Variants in CTNNA2 observed in about 807,000 individuals in gnomAD.
CTNNA2 encodes the protein catenin alpha-2.
A neutral mutation model predicts 101.0 loss-of-function variants in CTNNA2; 42 were observed. The observed-to-expected ratio is 0.42, with a 90% CI of 0.32 to 0.54. CTNNA2 has a LOEUF of 0.54. Among genes scored for constraint, CTNNA2 ranks in the 20% least tolerant of loss-of-function variants. The pLI, the probability that CTNNA2 is intolerant of heterozygous loss-of-function variation, is 0.14. For synonymous variants in CTNNA2, 450 were observed against 456.4 expected, an observed-to-expected ratio of 0.99 and a Z score of 0.18; for missense variants, 871 against 1,223.1, an observed-to-expected ratio of 0.71 and a Z score of 4.29.
chr2:80,542,269 G>A (rs1270688164), intron 9 of CTNNA2, among the ~76,000 whole-genome samples: 1 of 151,382 alleles, frequency 6.6e-6, no homozygotes, highest in Non-Finnish European at 1.5e-5. Context: ...ATATATTATA[G>A]TTTGTTTTTT....
intron 2 of CTNNA2, among the ~76,000 whole-genome samples, chr2:79,657,025 T>G (rs530285220): frequency 6.7e-6 from 1 of 148,208 alleles, no homozygotes; most frequent in East Asian, 2.1e-4. Context: ...AGAAAAGATA[T>G]AAAAAATAAA....
At chr2:80,462,475 G>T (rs939650387) in intron 9 of CTNNA2, among the ~76,000 whole-genome samples, 1 of 151,948 alleles carries the variant, frequency 6.6e-6, no homozygotes. Flanking sequence ...TATATCTGTT[G>T]TAGGCAGCAT....
At chr2:80,322,561 CGCGCGGCGGCGGAGGCCGCGGGGCCCCAA>C (rs1277538378) in intron 7 of CTNNA2, among the ~76,000 whole-genome samples, 4 of 151,532 alleles carry the variant, frequency 2.6e-5, no homozygotes, top group Non-Finnish European at 5.9e-5. Flanking sequence ...TCCGGGACGG[CGCGCGGCGGCGGAGGCCGCGGGGCCCCAA>C]GCGCCAGCCT....
chr2:80,087,206 G>T (rs187385414), intron 7 of CTNNA2, among the ~76,000 whole-genome samples: 2 of 151,966 alleles, frequency 1.3e-5, no homozygotes, highest in Admixed American at 1.3e-4. Context: ...ACACCTTCAG[G>T]GTGTAGACAG....
chr2:79,535,224 C>CT lies in CTNNA2; in HGVS notation c.-6+22027dup, dbSNP rs543049675. ...TATTTTTCAATGAACATATTTTGCT[C>CT]TTTTTTTTTTGAGACTGTCGCCCTG... On this transcript the variant is annotated intron_variant, in intron 1 of 18. Coordinates refer to ENST00000402739, the MANE Select transcript of CTNNA2 (RefSeq NM_001282597.3). Among the ~76,000 whole-genome samples, 586 of 148,662 alleles carry CT rather than the reference C, an allele frequency of 3.9e-3. 5 individuals carry two copies. Among genetic ancestry groups the CT allele is most frequent in the Non-Finnish European group, 5.7e-3 (378 of 66,820 alleles).
intron 3 of CTNNA2, among the ~76,000 whole-genome samples, chr2:79,812,138 G>A (rs1359840726): frequency 6.6e-6 from 1 of 152,030 alleles, no homozygotes; most frequent in Non-Finnish European, 1.5e-5. Context: ...GTCATTTTTT[G>A]TAGATTCTTT....
At chr2:79,199,448 T>A (rs1179102238) in intron 2 of CTNNA2, among the ~76,000 whole-genome samples, 1 of 152,194 alleles carries the variant, frequency 6.6e-6, no homozygotes, top group Non-Finnish European at 1.5e-5. Flanking sequence ...TTGTTTTTAA[T>A]GTAAGACTTC....
intron 7 of CTNNA2, among the ~76,000 whole-genome samples, chr2:80,133,229 GC>G (rs1384903594): frequency 6.6e-6 from 1 of 152,114 alleles, no homozygotes; most frequent in Non-Finnish European, 1.5e-5. Flanking sequence ...AACAACTGGG[GC>G]TACCTGAGCT....
At chr2:80,415,911 A>G (rs984054839) in intron 8 of CTNNA2, among the ~76,000 whole-genome samples, 3 of 152,184 alleles carry the variant, frequency 2.0e-5, no homozygotes, top group Non-Finnish European at 4.4e-5. Context: ...CTTGGAGGGC[A>G]CTGTGCTTAG....
chr2:80,480,531 A>G (rs1686064946), intron 9 of CTNNA2, among the ~76,000 whole-genome samples: 1 of 152,116 alleles, frequency 6.6e-6, no homozygotes, highest in African/African-American at 2.4e-5. Context: ...AGATGTAAGT[A>G]TCGTTGCTTG....
chr2:79,320,570 G>A (rs1255179316), intron 3 of CTNNA2, among the ~76,000 whole-genome samples: 1 of 152,174 alleles, frequency 6.6e-6, no homozygotes, highest in African/African-American at 2.4e-5. Flanking sequence ...AGAAAGTAAA[G>A]TTCTGCCTCT....
At chr2:79,488,231 T>C (rs896669087) in intron 4 of CTNNA2, among the ~76,000 whole-genome samples, 2 of 146,266 alleles carry the variant, frequency 1.4e-5, no homozygotes, top group South Asian at 4.4e-4. Flanking sequence ...GACAGGAGAA[T>C]CACTTGAATT....
In CTNNA2 at chr2:79,352,421, G is replaced by T. The variant is rs1319706917; in HGVS notation, c.-317-21410G>T. Among the ~76,000 whole-genome samples the T allele has an allele frequency of 3.3e-5, 5 of 152,016 alleles. No individual in the cohort carries two copies. The South Asian group carries it at 1.0e-3, about 31-fold the overall frequency. ...AGATCTTTTGTATTTCTGTGAGGCT[G>T]GCTGTAATAATATCTTTGTCATTTC... On this transcript the variant is annotated intron_variant, in intron 3 of 21. Coordinates refer to the CTNNA2 transcript ENST00000466387.
intron 3 of CTNNA2, among the ~76,000 whole-genome samples, chr2:79,347,078 C>A (rs918075849): frequency 1.3e-5 from 2 of 152,102 alleles, no homozygotes; most frequent in African/African-American, 2.4e-5. Context: ...AGCATGTGTA[C>A]CCCCTAACCT....
intron 6 of CTNNA2, among the ~76,000 whole-genome samples, chr2:79,898,786 A>C (rs571846056): frequency 1.3e-5 from 2 of 152,246 alleles, no homozygotes; most frequent in East Asian, 3.9e-4. Context: ...GATCATGTCC[A>C]GTGTACAGCT....
chr2:80,454,239 G>T (rs558854285), intron 9 of CTNNA2, among the ~76,000 whole-genome samples: 1 of 152,294 alleles, frequency 6.6e-6, no homozygotes, highest in East Asian at 1.9e-4. Context: ...AAGAGAAAAG[G>T]AGGGGCTGAG....
chr2:80,095,181 A>G (rs1700067622), intron 7 of CTNNA2, among the ~76,000 whole-genome samples: 2 of 152,208 alleles, frequency 1.3e-5, no homozygotes, highest in South Asian at 4.1e-4. Context: ...ATGTCCCATC[A>G]ATACCTAATT....
chr2:79,960,896 G>A (rs1010099317), intron 7 of CTNNA2, among the ~76,000 whole-genome samples: 2 of 152,148 alleles, frequency 1.3e-5, no homozygotes, highest in Non-Finnish European at 2.9e-5. Context: ...TAAAGGACAG[G>A]CATGTATTTG....
chr2:79,881,708 G>T (rs139269342), intron 6 of CTNNA2, among the ~76,000 whole-genome samples: 166 of 151,480 alleles, frequency 1.1e-3, no homozygotes, highest in African/African-American at 4.0e-3. Context: ...GTCTTTGCAT[G>T]CGAGATGGGT....
Sources: gnomAD v4.1 joint callset for allele counts (sites outside exome capture counted in the v4.1 genomes callset) on GRCh38, gnomAD v4.1.1 for gene constraint, MANE v1.5 for transcripts, NCBI Gene and HGNC (gene_info 2026-07-23, HGNC 2026-07-21) for gene names.